Variants in RABEPK observed in about 807,000 individuals in gnomAD.
RABEPK encodes the protein 40 kDa Rab9 effector protein.
In RABEPK, 27 loss-of-function variants were observed where a neutral mutation model predicts 34.1. That is an observed-to-expected ratio of 0.79 (90% confidence interval 0.58 to 1.09). RABEPK has a LOEUF of 1.09. Among genes scored for constraint, RABEPK ranks in the 50% least tolerant of loss-of-function variants. The probability of loss-of-function intolerance (pLI) is 0.00; values close to 1 mark genes in which losing one functional copy is unlikely to be tolerated. For synonymous variants in RABEPK, 172 were observed against 169.2 expected, an observed-to-expected ratio of 1.02 and a Z score of -0.13; for missense variants, 449 against 462.6, an observed-to-expected ratio of 0.97 and a Z score of 0.27.
chr9:125,213,368 A>G lies in RABEPK; in HGVS notation c.212-2A>G, dbSNP rs1268262003. On this transcript the variant is annotated splice_acceptor_variant, in intron 3 of 7. Coordinates refer to ENST00000373538, the MANE Select transcript of RABEPK (RefSeq NM_005833.4). LOFTEE classifies it high-confidence loss of function. ...CTAGGAACTGGGTGAAATGTTTTCC[A>G]GGAAAACACCAGTGGGACTTAGATA... 6.2e-7 allele frequency: 1 copy of G among 1,606,678 alleles called. No individual in the cohort carries two copies. The highest frequency in any genetic ancestry group is 1.3e-5 in the African/African-American group (1 of 74,532).
chr9:125,208,113 G>A (rs1004930641), intron 3 of RABEPK, among the ~76,000 whole-genome samples: 1 of 152,002 alleles, frequency 6.6e-6, no homozygotes, highest in African/African-American at 2.4e-5. Context: ...GGGTGACAGA[G>A]CAAGACTCTG....
chr9:125,221,053 C>G (rs948291847), intron 5 of RABEPK: 2 of 161,576 alleles, frequency 1.2e-5, no homozygotes, highest in African/African-American at 4.8e-5. Context: ...CCCAGTTACT[C>G]AGGAGGCTGA....
At position 125,233,762 on chromosome 9, in the gene RABEPK, A is replaced by C. The variant is rs141929035; in HGVS notation, c.901A>C (p.Ile301Leu). Reference sequence around the variant, plus strand: ...ACGATTGGACCATTCCATGTGTATCATTCCATGGCCAGTGACGTGTGCTTC... The same window carrying C: ...ACGATTGGACCATTCCATGTGTATCCTTCCATGGCCAGTGACGTGTGCTTC... ...PGRLDHSMCI[I>L]PWPVTCASEK... Residue 301 changes from isoleucine to leucine, a missense_variant, in exon 8 of 8, where the codon ATT becomes CTT. By Grantham distance (5) the Ile-to-Leu change is conservative. Transcript: ENST00000373538. The C allele has an allele frequency of 1.1e-5, 17 of 1,613,766 alleles. No individual in the cohort carries two copies. The highest frequency in any genetic ancestry group is 1.4e-5 in the Non-Finnish European group (17 of 1,179,764).
intron 5 of RABEPK, among the ~76,000 whole-genome samples, chr9:125,223,569 A>G (rs1831512055): frequency 6.6e-6 from 1 of 152,120 alleles, no homozygotes; most frequent in East Asian, 1.9e-4. Flanking sequence ...ATTATAAACA[A>G]TACTGTAATG....
intron 7 of RABEPK, among the ~76,000 whole-genome samples, chr9:125,233,052 T>A (rs1040278623): frequency 3.5e-4 from 51 of 144,038 alleles, no homozygotes; most frequent in African/African-American, 1.3e-3. Flanking sequence ...CACTCCAGCC[T>A]GGTGACAGAG....
At chr9:125,217,209 A>G (rs975381287) in intron 4 of RABEPK, among the ~76,000 whole-genome samples, 2 of 152,192 alleles carry the variant, frequency 1.3e-5, no homozygotes, top group Middle Eastern at 3.4e-3. Flanking sequence ...CAAGGATTTA[A>G]ATAAACTCAG....
intron 3 of RABEPK, among the ~76,000 whole-genome samples, chr9:125,211,936 T>A (rs1458894345): frequency 6.6e-6 from 1 of 151,564 alleles, no homozygotes; most frequent in Non-Finnish European, 1.5e-5. Flanking sequence ...GCCAGTGCGC[T>A]CCAGCCTGGG....
intron 5 of RABEPK, among the ~76,000 whole-genome samples, chr9:125,226,318 C>T (rs1275537221): frequency 6.7e-6 from 1 of 150,170 alleles, no homozygotes; most frequent in Non-Finnish European, 1.5e-5. Context: ...CTCTGTCCCC[C>T]GACCCCCTGC....
chr9:125,218,271 G>A (rs55812349), intron 4 of RABEPK, among the ~76,000 whole-genome samples: 6,357 of 128,068 alleles, frequency 0.05, 197 homozygotes, highest in Middle Eastern at 0.15. Flanking sequence ...AAAGTGAGCC[G>A]AGATCGCGCC....
At chr9:125,233,558 G>A in intron 7 of RABEPK, 130 bp from the exon 8 acceptor site, 1 of 891,436 alleles carries the variant, frequency 1.1e-6, no homozygotes, top group Non-Finnish European at 1.7e-6. Flanking sequence ...TAGCCAGGAT[G>A]GTCTCCATCT....
chr9:125,211,330 A>C (rs956388759), intron 3 of RABEPK, among the ~76,000 whole-genome samples: 4 of 151,434 alleles, frequency 2.6e-5, no homozygotes, highest in African/African-American at 9.7e-5. Context: ...TTGTATTTTT[A>C]GTAGAGATGG....
At chr9:125,233,189 C>T (rs1461275854) in intron 7 of RABEPK, among the ~76,000 whole-genome samples, 1 of 151,958 alleles carries the variant, frequency 6.6e-6, no homozygotes, top group Non-Finnish European at 1.5e-5. Flanking sequence ...ATCAGGAAAG[C>T]AGCAATGCTG....
chr9:125,232,528 G>T, intron 6 of RABEPK, 68 bp from the exon 7 acceptor site: 1 of 1,509,434 alleles, frequency 6.6e-7, no homozygotes, highest in Non-Finnish European at 9.0e-7. Context: ...GCAAACTACA[G>T]TAGATAGATA....
chr9:125,202,139 C>T (rs567037305), intron 1 of RABEPK, among the ~76,000 whole-genome samples: 1 of 151,908 alleles, frequency 6.6e-6, no homozygotes, highest in South Asian at 2.1e-4. Flanking sequence ...AGCTTGAACC[C>T]GGGAGGCAGA....
At chr9:125,226,314 C>A (rs923875886) in intron 5 of RABEPK, among the ~76,000 whole-genome samples, 1 of 151,446 alleles carries the variant, frequency 6.6e-6, no homozygotes, top group African/African-American at 2.4e-5. Context: ...AAAACTCTGT[C>A]CCCCGACCCC....
At chr9:125,229,068 A>G (rs1409623347) in intron 6 of RABEPK, among the ~76,000 whole-genome samples, 1 of 151,926 alleles carries the variant, frequency 6.6e-6, no homozygotes, top group African/African-American at 2.4e-5. Flanking sequence ...AGCCTGGCCA[A>G]CATGGTGAAA....
chr9:125,220,159 C>T (rs1039140155), intron 4 of RABEPK, among the ~76,000 whole-genome samples: 8 of 152,036 alleles, frequency 5.3e-5, no homozygotes, highest in South Asian at 2.1e-4. Flanking sequence ...CCACCATACC[C>T]GGCTAATTTT....
Position 125,233,464 on chromosome 9 carries a change from G to A in RABEPK, c.827-224G>A, listed in dbSNP as rs529912453. ...CGCCATTCTCCTGCCTCAGCCTCCC[G>A]AGTAGCTGGGACTACAGGTGCCCGC... On this transcript the variant is annotated intron_variant, in intron 7 of 7. Coordinates refer to ENST00000373538, the MANE Select transcript of RABEPK (RefSeq NM_005833.4). Among the ~76,000 whole-genome samples, 8 of 149,048 alleles carry A rather than the reference G, an allele frequency of 5.4e-5. No individual in the cohort carries two copies. In the East Asian group the frequency reaches 8.1e-4, roughly 15 times the overall value.
rs185799887 is a variant in RABEPK at position 125,213,705 on chromosome 9, A to G, written c.364+183A>G. ...AGCATAATCTGAAAACAACAGAATAAAAACAATTGTTGGTAACACATACAA... is the reference window on the plus strand; with the variant it reads ...AGCATAATCTGAAAACAACAGAATAGAAACAATTGTTGGTAACACATACAA... On this transcript the variant is annotated intron_variant, in intron 4 of 7. Transcript: ENST00000373538. Among the ~76,000 whole-genome samples, 773 of 152,340 alleles carry G rather than the reference A, an allele frequency of 5.1e-3. 1 individual carries two copies. The highest frequency in any genetic ancestry group is 0.031 in the Middle Eastern group (9 of 294).
Sources: gnomAD v4.1 joint callset for allele counts (sites outside exome capture counted in the v4.1 genomes callset) on GRCh38, gnomAD v4.1.1 for gene constraint, MANE v1.5 for transcripts, NCBI Gene and HGNC (gene_info 2026-07-23, HGNC 2026-07-21) for gene names.